The following SLC47A2 variants were observed in gnomAD, a reference collection of about 807,000 sequenced individuals.
The protein encoded by SLC47A2 is multidrug and toxin extrusion protein 2.
A neutral mutation model predicts 67.7 loss-of-function variants in SLC47A2; 52 were observed. That is an observed-to-expected ratio of 0.77 (90% CI 0.61 to 0.97). The LOEUF is 0.97. Ranked by LOEUF, SLC47A2 falls within the 50% of genes least tolerant of loss-of-function variation. The probability of loss-of-function intolerance (pLI) is 0.00; values close to 1 mark genes in which losing one functional copy is unlikely to be tolerated. For missense variants in SLC47A2, 676 were observed against 712.3 expected (o/e 0.95, Z 0.58); for synonymous variants, 278 against 292.9 (o/e 0.95, Z 0.52).
chr17:19,710,453 G>C (rs977186819), intron 5 of SLC47A2, among the ~76,000 whole-genome samples: 11 of 102,368 alleles, frequency 1.1e-4, no homozygotes, highest in Admixed American at 1.0e-3. Flanking sequence ...CTTGCAGTGG[G>C]TTAAGTCTTT....
At chr17:19,711,446 G>T (rs917385417) in intron 5 of SLC47A2, among the ~76,000 whole-genome samples, 3 of 151,566 alleles carry the variant, frequency 2.0e-5, no homozygotes, top group Non-Finnish European at 4.4e-5. Context: ...ACAAAAATTA[G>T]CTGGGCATGA....
chr17:19,707,956 T>C, intron 7 of SLC47A2, 113 bp from the exon 8 acceptor site: 2 of 999,576 alleles, frequency 2.0e-6, no homozygotes, highest in Non-Finnish European at 3.0e-6. Flanking sequence ...ATGGCTCTGC[T>C]CTTCCCCCAT....
In SLC47A2 at chr17:19,693,874, T is replaced by C. The variant is rs377131757; in HGVS notation, c.1164+8731A>G. ...AGAAGTAAAAGTGTCTATTCACAGA[T>C]GACATGATCCTACATGTAGAAAATC... On this transcript the variant is annotated intron_variant, in intron 13 of 16. Transcript: ENST00000433844. Among the ~76,000 whole-genome samples, 3 of 152,102 alleles carry C rather than the reference T, an allele frequency of 2.0e-5. No homozygotes were observed. In the South Asian group the frequency reaches 6.2e-4, roughly 32 times the overall value.
intron 13 of SLC47A2, among the ~76,000 whole-genome samples, chr17:19,683,901 G>T (rs1315046037): frequency 6.6e-6 from 1 of 152,108 alleles, no homozygotes; most frequent in East Asian, 1.9e-4. Context: ...ATAAGAACAA[G>T]GGGGAAAAAA....
chr17:19,684,333 A>C (rs747232053), intron 13 of SLC47A2, among the ~76,000 whole-genome samples: 5 of 152,240 alleles, frequency 3.3e-5, no homozygotes, highest in Non-Finnish European at 7.3e-5. Context: ...CTAAACCATA[A>C]GTCAAAGAAT....
intron 5 of SLC47A2, among the ~76,000 whole-genome samples, chr17:19,709,844 A>G (rs1415196134): frequency 6.6e-6 from 1 of 152,174 alleles, no homozygotes; most frequent in Non-Finnish European, 1.5e-5. Flanking sequence ...CCCAGCCCCA[A>G]AAATCCTGGT....
chr17:19,714,547 G>A (rs2086197295), intron 3 of SLC47A2, 174 bp downstream of exon 3: 1 of 719,440 alleles, frequency 1.4e-6, no homozygotes, highest in Non-Finnish European at 2.4e-6. Context: ...AAAGGGGAGG[G>A]TCTGTTTCCC....
chr17:19,706,659 C>T lies in SLC47A2; in HGVS notation c.830G>A (p.Ser277Asn), dbSNP rs781126030. 2 of 1,601,358 alleles carry T rather than the reference C, an allele frequency of 1.2e-6. No individual in the cohort carries two copies. The highest frequency in any genetic ancestry group is 3.3e-4 in the Middle Eastern group (2 of 5,996). ...CCTCTTCCACGTACCCATGAGGAAG[C>T]TCCCGATCTCATAGGCCCACCACTC... ...CVEWWAYEIG[S>N]FLMGLLSVVD... Residue 277 changes from serine (S) to asparagine (N), a missense_variant, in exon 9 of 17, where the codon AGC (serine) becomes AAC (asparagine). Ser to Asn is a conservative substitution (Grantham distance 46). Coordinates refer to ENST00000433844, the MANE Select transcript of SLC47A2 (RefSeq NM_001099646.3).
In SLC47A2 at chr17:19,685,849, AAGATATAAAT is replaced by A. The variant is rs1401279993; in HGVS notation, c.1165-4189_1165-4180del. On this transcript the variant is annotated intron_variant, in intron 13 of 16. Transcript: ENST00000433844. The surrounding 1 kb of genome is among the most constrained non-coding windows in gnomAD (Gnocchi z 4.5). ...TAAACTACTTTTCAAGACATAGTGTAAGATATAAATAGAAACAACAAAGTTAAGAAACAGC... is the reference window on the plus strand; with the variant it reads ...TAAACTACTTTTCAAGACATAGTGTAAGAAACAACAAAGTTAAGAAACAGC... 3.9e-5 allele frequency among the ~76,000 whole-genome samples: 6 copies of A among 152,262 alleles called. No individual in the cohort carries two copies. The highest frequency in any genetic ancestry group is 1.2e-4 in the African/African-American group (5 of 41,472).
At chr17:19,708,787 TCAA>T (rs2086017799) in intron 5 of SLC47A2, 27 bp from the exon 6 acceptor site, 1 of 1,613,540 alleles carries the variant, frequency 6.2e-7, no homozygotes, top group Middle Eastern at 1.6e-4. Flanking sequence ...CCCAAACAAA[TCAA>T]CAATAATGAC....
At chr17:19,684,088 C>A (rs1298999974) in intron 13 of SLC47A2, among the ~76,000 whole-genome samples, 1 of 152,118 alleles carries the variant, frequency 6.6e-6, no homozygotes, top group African/African-American at 2.4e-5. Flanking sequence ...TTAAAACAAT[C>A]TTTTTTAAGA....
At position 19,693,773 on chromosome 17, in the gene SLC47A2, G is replaced by T. The variant is rs372912843; in HGVS notation, c.1164+8832C>A. Among the ~76,000 whole-genome samples, 3 of 152,092 alleles carry T rather than the reference G, an allele frequency of 2.0e-5. No individual in the cohort carries two copies. The East Asian group carries it at 5.8e-4, about 29-fold the overall frequency. On this transcript the variant is annotated intron_variant, in intron 13 of 16. Transcript: ENST00000433844. ...AGATCGCGCCATTGCTCTCTAGCCT[G>T]GGCGACAGAGCGAGACTCCGTCTCA...
rs759575932 is a variant in SLC47A2, at chr17:19,714,758, A to C, written c.257T>G (p.Val86Gly). 2 of 1,613,998 alleles carry C rather than the reference A, an allele frequency of 1.2e-6. No homozygotes were observed. Among genetic ancestry groups the C allele is most frequent in the Non-Finnish European group, 1.7e-6 (2 of 1,180,012 alleles). The change falls in exon 3 of 17, where the codon GTT (valine) becomes GGT (glycine). Residue 86 changes from valine to glycine, a missense_variant. Val to Gly is a moderately radical substitution (Grantham distance 109). Transcript: ENST00000433844. ...FVNVCGVSVG[V>G]GLSSACDTLM... The stretch of plus-strand genomic sequence containing the variant: ...GGTGTCACATGCCGAAGACAAACCA[A>C]CTCCTACAGAAACTCCGCAGACATT...
At chr17:19,714,214 C>CA (rs2086188514) in intron 3 of SLC47A2, among the ~76,000 whole-genome samples, 1 of 152,224 alleles carries the variant, frequency 6.6e-6, no homozygotes, top group South Asian at 2.1e-4. Flanking sequence ...GGCTTCATCA[C>CA]ATGTCAGCGG....
intron 13 of SLC47A2, among the ~76,000 whole-genome samples, chr17:19,688,929 A>G (rs1382963855): frequency 1.3e-5 from 2 of 150,798 alleles, no homozygotes; most frequent in African/African-American, 2.4e-5. Context: ...GCAATGGTGC[A>G]TTCACAGCTT....
At chr17:19,716,606 G>C (rs751698913), upstream of SLC47A2, 1 of 1,514,094 alleles carries the variant, frequency 6.6e-7, no homozygotes, top group East Asian at 2.4e-5. Context: ...TGCACGGCCA[G>C]CTTTGTCCAG....
rs1298949263 is a variant in SLC47A2, at chr17:19,706,153, C to T, written c.841+495G>A. On this transcript the variant is annotated intron_variant, in intron 9 of 16. Transcript: ENST00000433844. ...TGGAGTTCCTGTGTTCTTGGGGCCC[C>T]GTTTTCTCATCTGCAAATGCGGGGC... 5.3e-5 allele frequency among the ~76,000 whole-genome samples: 8 copies of T among 152,250 alleles called. No individual in the cohort carries two copies. The South Asian group carries it at 1.7e-3, about 32-fold the overall frequency.
Position 19,678,805 on chromosome 17 carries a change from C to T in SLC47A2, c.1582G>A (p.Ala528Thr), listed in dbSNP as rs1241341724. ...RTPEEAHALS[A>T]PTSRLSVKQL... Reference sequence around the variant, plus strand: ...TTCACTGATAGTCTGCTGGTAGGAGCTGAAAGGGCGTGGGCCTCCTCTGGA... The same window carrying T: ...TTCACTGATAGTCTGCTGGTAGGAGTTGAAAGGGCGTGGGCCTCCTCTGGA... Residue 528 changes from alanine (A) to threonine (T), a missense_variant, in exon 17 of 17, where the codon GCT becomes ACT. Coordinates refer to ENST00000433844, the MANE Select transcript of SLC47A2 (RefSeq NM_001099646.3). The T allele has an allele frequency of 1.9e-6, 3 of 1,614,196 alleles. No individual in the cohort carries two copies. The highest frequency in any genetic ancestry group is 2.5e-6 in the Non-Finnish European group (3 of 1,180,042).
upstream of SLC47A2, chr17:19,716,648 G>A (rs979638360): frequency 4.1e-5 from 60 of 1,450,918 alleles, no homozygotes; most frequent in Non-Finnish European, 5.0e-5. Flanking sequence ...AGCCCGTGTC[G>A]GTACAGCCTG....
Sources: gnomAD v4.1 joint callset for allele counts (sites outside exome capture counted in the v4.1 genomes callset) on GRCh38, gnomAD v4.1.1 for gene constraint, Gnocchi (gnomAD v3.1) non-coding constraint, MANE v1.5 for transcripts, NCBI Gene and HGNC (gene_info 2026-07-23, HGNC 2026-07-21) for gene names.